The following ARB2A variants were observed in gnomAD, a reference collection of about 807,000 sequenced individuals.
The protein encoded by ARB2A is cotranscriptional regulator ARB2A.
chr5:94,038,075 A>G, the ARB2A span, among the ~76,000 whole-genome samples: 1 of 152,094 alleles, frequency 6.6e-6, no homozygotes, highest in South Asian at 2.1e-4. Flanking sequence ...GAGGTTTTCA[A>G]GATATATATC....
the ARB2A span, among the ~76,000 whole-genome samples, chr5:94,020,449 T>C: frequency 6.6e-6 from 1 of 152,074 alleles, no homozygotes; most frequent in South Asian, 2.1e-4. Flanking sequence ...AATGGTGACA[T>C]ACATGACTAA....
At chr5:93,853,948 G>C in the ARB2A span, among the ~76,000 whole-genome samples, 9 of 152,236 alleles carry the variant, frequency 5.9e-5, no homozygotes, top group African/African-American at 1.7e-4. Context: ...CCTGGCTTTG[G>C]TATCAGGATG....
the ARB2A span, among the ~76,000 whole-genome samples, chr5:94,053,950 A>G: frequency 2.0e-5 from 3 of 151,728 alleles, no homozygotes; most frequent in African/African-American, 7.3e-5. Context: ...TGTATTTTTC[A>G]CAGAGATGGG....
the ARB2A span, among the ~76,000 whole-genome samples, chr5:94,105,766 T>TG: frequency 2.8e-5 from 4 of 140,504 alleles, no homozygotes; most frequent in African/African-American, 5.3e-5. Flanking sequence ...AGCATGGTAC[T>TG]GGAAAAAAAA....
chr5:93,976,525 T>C, the ARB2A span, among the ~76,000 whole-genome samples: 2 of 152,188 alleles, frequency 1.3e-5, no homozygotes, highest in African/African-American at 4.8e-5. Context: ...AGTGATTACA[T>C]TATGGGGACA....
chr5:93,787,134 TCTTTAA>T, the ARB2A span, among the ~76,000 whole-genome samples: 29 of 152,160 alleles, frequency 1.9e-4, no homozygotes, highest in African/African-American at 7.0e-4. Flanking sequence ...GAGGAGAAGA[TCTTTAA>T]CTTTGAGATT....
At chr5:93,718,035 A>G in the ARB2A span, among the ~76,000 whole-genome samples, 1 of 150,650 alleles carries the variant, frequency 6.6e-6, no homozygotes, top group East Asian at 2.1e-4. Context: ...GGGTTTCACC[A>G]TGTTGGTCAG....
the ARB2A span, among the ~76,000 whole-genome samples, chr5:93,960,963 A>C: frequency 6.6e-6 from 1 of 152,178 alleles, no homozygotes; most frequent in Non-Finnish European, 1.5e-5. Flanking sequence ...CAGGAAAACC[A>C]AACCTAAGAA....
the ARB2A span, among the ~76,000 whole-genome samples, chr5:94,061,004 C>T: frequency 2.6e-5 from 4 of 152,176 alleles, no homozygotes; most frequent in South Asian, 2.1e-4. Context: ...TTTCGGAGGC[C>T]GAGACAGGTG....
the ARB2A span, chr5:93,866,031 C>T: frequency 1.0e-6 from 1 of 983,888 alleles, no homozygotes; most frequent in Non-Finnish European, 1.2e-6. Context: ...AAAAACGTTG[C>T]TAAATAATCT....
At chr5:93,998,928 CT>C in the ARB2A span, among the ~76,000 whole-genome samples, 1 of 151,936 alleles carries the variant, frequency 6.6e-6, no homozygotes, top group Non-Finnish European at 1.5e-5. Flanking sequence ...ACATATTATT[CT>C]TTTCTTAGAC....
the ARB2A span, among the ~76,000 whole-genome samples, chr5:93,675,027 G>A: frequency 6.6e-6 from 1 of 152,080 alleles, no homozygotes; most frequent in Non-Finnish European, 1.5e-5. Context: ...GTAATATTCT[G>A]CTTCTCAACC....
chr5:93,891,823 A>G, the ARB2A span, among the ~76,000 whole-genome samples: 5 of 152,260 alleles, frequency 3.3e-5, no homozygotes, highest in Admixed American at 3.3e-4. Context: ...TTGAGGCTGA[A>G]GAAGTGAAAT....
chr5:93,786,591 C>T, the ARB2A span, among the ~76,000 whole-genome samples: 190 of 152,282 alleles, frequency 1.2e-3, no homozygotes, highest in African/African-American at 4.4e-3. Context: ...CAATATTTGA[C>T]TGTTTAGGAT....
the ARB2A span, chr5:93,776,100 T>C: frequency 7.7e-7 from 1 of 1,297,918 alleles, no homozygotes; most frequent in Non-Finnish European, 1.1e-6. Context: ...TACATTTCAT[T>C]AGCATATTTT....
the ARB2A span, among the ~76,000 whole-genome samples, chr5:93,681,967 C>T: frequency 6.6e-6 from 1 of 152,204 alleles, no homozygotes. Context: ...CTGACATATC[C>T]TAAATGTAGA....
At chr5:93,685,964 C>A in the ARB2A span, among the ~76,000 whole-genome samples, 1 of 152,120 alleles carries the variant, frequency 6.6e-6, no homozygotes, top group African/African-American at 2.4e-5. Flanking sequence ...AATTTTAAAG[C>A]ATATATAAAT....
the ARB2A span, among the ~76,000 whole-genome samples, chr5:93,778,398 C>T: frequency 6.6e-6 from 1 of 152,088 alleles, no homozygotes; most frequent in South Asian, 2.1e-4. Context: ...TAAGTATTCT[C>T]CAAAGCAGTG....
the ARB2A span, among the ~76,000 whole-genome samples, chr5:93,888,335 ATACAT>A: frequency 6.6e-6 from 1 of 151,850 alleles, no homozygotes; most frequent in Admixed American, 6.6e-5. Context: ...CCACACGTTT[ATACAT>A]TAAACTAAAA....
Sources: gnomAD v4.1 joint callset for allele counts (sites outside exome capture counted in the v4.1 genomes callset) on GRCh38, gnomAD v4.1.1 for gene constraint, MANE v1.5 for transcripts, NCBI Gene and HGNC (gene_info 2026-07-23, HGNC 2026-07-21) for gene names.